NEMF: variants seen among roughly 807,000 people sequenced by gnomAD.
NEMF encodes ribosome quality control complex subunit NEMF.
A neutral mutation model predicts 162.2 loss-of-function variants in NEMF; 89 were observed. The observed-to-expected ratio is 0.55, with a 90% CI of 0.46 to 0.65. NEMF has a LOEUF of 0.65. Ranked by LOEUF, NEMF falls within the 30% of genes least tolerant of loss-of-function variation. The probability of loss-of-function intolerance (pLI) is 0.00; values close to 1 mark genes in which losing one functional copy is unlikely to be tolerated. For missense variants in NEMF, 1,133 were observed against 1,261.9 expected, an observed-to-expected ratio of 0.90 and a Z score of 1.55; for synonymous variants, 421 against 404.5, an observed-to-expected ratio of 1.04 and a Z score of -0.49.
In NEMF at chr14:49,783,368, GGT is replaced by G. The variant is rs984012204; in HGVS notation, c.*1266_*1267del. On this transcript the variant is annotated 3_prime_UTR_variant, in exon 33 of 33. Coordinates refer to ENST00000298310, the MANE Select transcript of NEMF (RefSeq NM_004713.6). ...AGTGTTGTAAATACAATATAATAAA[GGT>G]TTTTTTTTTTAAACATTAATATTCA... The G allele has an allele frequency of 2.3e-5, 1 of 42,724 alleles. No individual in the cohort carries two copies. Among genetic ancestry groups the G allele is most frequent in the African/African-American group, 5.6e-5 (1 of 17,800 alleles). The allele number at this position is 42,724 out of a possible 1,614,324, so 2.6% of individuals were successfully genotyped here. A position where few individuals can be genotyped will look rare whatever the true frequency, so the allele number is the denominator to read the frequency against.
intron 8 of NEMF, among the ~76,000 whole-genome samples, chr14:49,833,176 G>C (rs1474126026): frequency 2.6e-5 from 4 of 152,114 alleles, no homozygotes; most frequent in Admixed American, 2.6e-4. Flanking sequence ...TGAGACAGGA[G>C]AATCACTTCA....
chr14:49,785,055 G>GTT, intron 31 of NEMF, 37 bp downstream of exon 31: 7 of 1,606,782 alleles, frequency 4.4e-6, no homozygotes, highest in Non-Finnish European at 6.0e-6. Flanking sequence ...TCACTGAACT[G>GTT]TTTAAAATCA....
intron 5 of NEMF, 28 bp from the exon 6 acceptor site, chr14:49,838,234 T>C: frequency 1.2e-6 from 2 of 1,602,976 alleles, no homozygotes; most frequent in Non-Finnish European, 1.7e-6. Context: ...CATGCCTCTA[T>C]CATATCTTAA....
At chr14:49,848,031 CAAA>C (rs76205967) in intron 3 of NEMF, among the ~76,000 whole-genome samples, 8 of 79,374 alleles carry the variant, frequency 1.0e-4, no homozygotes, top group Admixed American at 1.4e-4. Context: ...GACTCTGTCT[CAAA>C]AAAAAAAAAA....
intron 11 of NEMF, among the ~76,000 whole-genome samples, chr14:49,830,061 T>C (rs1364902727): frequency 1.3e-5 from 2 of 152,234 alleles, no homozygotes; most frequent in Non-Finnish European, 2.9e-5. Flanking sequence ...TTATCATATA[T>C]ACTTTACATT....
chr14:49,827,301 C>G (rs545334494), intron 15 of NEMF, among the ~76,000 whole-genome samples: 5 of 152,302 alleles, frequency 3.3e-5, no homozygotes, highest in Admixed American at 3.3e-4. Context: ...ATTCTCCCAC[C>G]TCAGCCGCCC....
intron 18 of NEMF, among the ~76,000 whole-genome samples, chr14:49,812,238 A>G (rs1191120748): frequency 2.6e-5 from 4 of 152,082 alleles, no homozygotes; most frequent in Non-Finnish European, 5.9e-5. Context: ...AATCCTTTCA[A>G]TATCTGTAAA....
intron 16 of NEMF, among the ~76,000 whole-genome samples, chr14:49,823,479 A>T (rs1357615540): frequency 1.3e-5 from 2 of 152,084 alleles, no homozygotes. Context: ...TAAAATTAAA[A>T]ACATGATAGG....
intron 26 of NEMF, among the ~76,000 whole-genome samples, chr14:49,790,403 G>A (rs1890384966): frequency 6.6e-6 from 1 of 151,994 alleles, no homozygotes; most frequent in Non-Finnish European, 1.5e-5. Flanking sequence ...ATACACAAAG[G>A]TCCAAAAAAC....
At chr14:49,786,876 G>A in intron 28 of NEMF, 126 bp from the exon 29 acceptor site, 1 of 782,800 alleles carries the variant, frequency 1.3e-6, no homozygotes, top group Non-Finnish European at 2.1e-6. Context: ...ACAGGATAGG[G>A]GGCCTCAAGG....
At chr14:49,814,901 C>A (rs771065703) in intron 16 of NEMF, 44 bp from the exon 17 acceptor site, 2 of 1,100,492 alleles carry the variant, frequency 1.8e-6, no homozygotes, top group Admixed American at 2.2e-5. Context: ...TTTATAGCTG[C>A]CTGAATTCAT....
chr14:49,825,192 T>C (rs1892275510), intron 16 of NEMF, among the ~76,000 whole-genome samples: 1 of 152,230 alleles, frequency 6.6e-6, no homozygotes, highest in South Asian at 2.1e-4. Flanking sequence ...AATTTAAATA[T>C]TTATAATGAT....
In NEMF at chr14:49,825,902, A is replaced by C; in HGVS notation, c.1542T>G (p.Thr514=). The C allele has an allele frequency of 6.2e-7, 1 of 1,610,710 alleles. No individual in the cohort carries two copies. The highest frequency in any genetic ancestry group is 2.2e-5 in the East Asian group (1 of 44,814). The change falls in exon 16 of 33, where the codon ACT becomes ACG. Residue 514 remains threonine (T), a synonymous_variant. Coordinates refer to ENST00000298310, the MANE Select transcript of NEMF (RefSeq NM_004713.6). The stretch of plus-strand genomic sequence containing the variant: ...TTCTTGCTTTTTGAATAGAGGTAAC[A>C]GTCTGAACTTCTTTTAATGTTTGCT... ...KTKQTLKEVQ[T]VTSIQKARKV... is the part of the protein sequence containing the mutation.
chr14:49,850,749 C>T (rs781136458), intron 3 of NEMF, among the ~76,000 whole-genome samples: 2 of 150,174 alleles, frequency 1.3e-5, no homozygotes, highest in African/African-American at 2.4e-5. Flanking sequence ...CAGAGGAATA[C>T]GACTCACAAA....
intron 4 of NEMF, among the ~76,000 whole-genome samples, chr14:49,841,970 T>C (rs1893234658): frequency 6.6e-6 from 1 of 151,906 alleles, no homozygotes; most frequent in African/African-American, 2.4e-5. Context: ...CCAGGCATGG[T>C]GGCGCATGCC....
rs184354621 is a variant in NEMF, at chr14:49,808,636, C to T, written c.1745-2503G>A. On this transcript the variant is annotated intron_variant, in intron 18 of 32. Transcript: ENST00000298310. The stretch of plus-strand genomic sequence containing the variant: ...ATACTTCTGGCTTTTAAGTTTAGGT[C>T]TTGGATGCATTTTAAGTTAATTTTT... 1.3e-4 allele frequency among the ~76,000 whole-genome samples: 20 copies of T among 151,266 alleles called. 1 individual carries two copies. The Admixed American group carries it at 1.3e-3, about 10-fold the overall frequency.
intron 19 of NEMF, 27 bp from the exon 20 acceptor site, chr14:49,803,321 T>C (rs1229707013): frequency 1.3e-6 from 2 of 1,496,048 alleles, no homozygotes; most frequent in African/African-American, 1.4e-5. Context: ...TACATTATAT[T>C]CTTATTTAAA....
chr14:49,821,904 G>T (rs1892081272), intron 16 of NEMF, among the ~76,000 whole-genome samples: 1 of 152,104 alleles, frequency 6.6e-6, no homozygotes, highest in South Asian at 2.1e-4. Context: ...GAAATTGGAT[G>T]GTTGCTGTGT....
intron 22 of NEMF, among the ~76,000 whole-genome samples, chr14:49,801,875 T>G (rs1890971080): frequency 6.6e-6 from 1 of 152,172 alleles, no homozygotes; most frequent in South Asian, 2.1e-4. Context: ...TTAAACACAT[T>G]TATGCATTAC....
Sources: gnomAD v4.1 joint callset for allele counts (sites outside exome capture counted in the v4.1 genomes callset) on GRCh38, gnomAD v4.1.1 for gene constraint, MANE v1.5 for transcripts, NCBI Gene and HGNC (gene_info 2026-07-23, HGNC 2026-07-21) for gene names.